SAMD5: variants seen among roughly 807,000 people sequenced by gnomAD.
SAMD5 encodes sterile alpha motif domain-containing protein 5.
A neutral mutation model predicts 11.3 loss-of-function variants in SAMD5; 13 were observed. The observed-to-expected ratio is 1.15, with a 90% CI of 0.75 to 1.83. SAMD5 has a LOEUF of 1.83. SAMD5 is among the 40% of genes most tolerant of loss of function. The pLI, the probability that SAMD5 is intolerant of heterozygous loss-of-function variation, is 0.00. For missense variants in SAMD5, 255 were observed against 239.1 expected (o/e 1.07, Z -0.44); for synonymous variants, 129 against 111.3 (o/e 1.16, Z -1.00).
At chr6:147,628,412 A>G (rs1446444561) in intron 1 of SAMD5, among the ~76,000 whole-genome samples, 2 of 152,124 alleles carry the variant, frequency 1.3e-5, no homozygotes, top group Admixed American at 6.6e-5. Context: ...TATAAGACAG[A>G]CTCTTAAACG....
the SAMD5 span, among the ~76,000 whole-genome samples, chr6:147,784,286 A>G: frequency 1.3e-5 from 2 of 152,166 alleles, no homozygotes; most frequent in African/African-American, 2.4e-5. Flanking sequence ...ATAATAATCA[A>G]CTGTGACTAG....
intron 1 of SAMD5, among the ~76,000 whole-genome samples, chr6:147,525,986 T>C (rs775099567): frequency 6.6e-6 from 1 of 152,158 alleles, no homozygotes; most frequent in Non-Finnish European, 1.5e-5. Context: ...TCTTTGGATA[T>C]ACCACAGAGA....
intron 1 of SAMD5, among the ~76,000 whole-genome samples, chr6:147,543,649 T>C (rs1788640246): frequency 6.6e-6 from 1 of 152,346 alleles, no homozygotes; most frequent in South Asian, 2.1e-4. Flanking sequence ...CTCTAAGATA[T>C]GGTCTCTAAG....
At chr6:147,838,912 A>G in the SAMD5 span, among the ~76,000 whole-genome samples, 1 of 152,248 alleles carries the variant, frequency 6.6e-6, no homozygotes, top group Non-Finnish European at 1.5e-5. Flanking sequence ...GCAACAAGTC[A>G]GGGCAACAAC....
chr6:147,844,909 A>G, the SAMD5 span, among the ~76,000 whole-genome samples: 2 of 152,230 alleles, frequency 1.3e-5, no homozygotes, highest in African/African-American at 2.4e-5. Flanking sequence ...GACGGGAGGA[A>G]TAAGTTCTAT....
intron 1 of SAMD5, among the ~76,000 whole-genome samples, chr6:147,520,077 C>A (rs565509736): frequency 2.0e-5 from 3 of 150,608 alleles, no homozygotes; most frequent in East Asian, 2.0e-4. Context: ...TGAGATAATA[C>A]TTATGAAGTT....
At chr6:147,954,578 A>G in the SAMD5 span, among the ~76,000 whole-genome samples, 1 of 152,060 alleles carries the variant, frequency 6.6e-6, no homozygotes, top group East Asian at 1.9e-4. Flanking sequence ...CAGCCAAAGT[A>G]ACTTCCAGTC....
At chr6:147,911,310 T>G in the SAMD5 span, among the ~76,000 whole-genome samples, 1 of 152,314 alleles carries the variant, frequency 6.6e-6, no homozygotes, top group African/African-American at 2.4e-5. Flanking sequence ...TGCCTTCTGT[T>G]ACCTTCAAAA....
chr6:147,606,285 G>A (rs75382526), intron 1 of SAMD5, among the ~76,000 whole-genome samples: 2,590 of 152,170 alleles, frequency 0.017, 56 homozygotes, highest in Non-Finnish European at 0.023. Context: ...TGTGTCTGAT[G>A]TACTGTAAAG....
At chr6:147,585,977 A>T (rs1049290715) in intron 1 of SAMD5, among the ~76,000 whole-genome samples, 1 of 152,176 alleles carries the variant, frequency 6.6e-6, no homozygotes, top group South Asian at 2.1e-4. Context: ...GTTCAGAGCA[A>T]CATGGTCATG....
chr6:147,845,714 A>T, the SAMD5 span, among the ~76,000 whole-genome samples: 1 of 152,312 alleles, frequency 6.6e-6, no homozygotes, highest in South Asian at 2.1e-4. Flanking sequence ...TGCCAAAAAA[A>T]AATAATGATA....
the SAMD5 span, among the ~76,000 whole-genome samples, chr6:147,954,531 G>A: frequency 6.6e-6 from 1 of 152,122 alleles, no homozygotes; most frequent in Non-Finnish European, 1.5e-5. Context: ...GTACGCTAAT[G>A]TCCTAGGCCT....
At chr6:147,624,736 T>C (rs1790025390) in intron 1 of SAMD5, among the ~76,000 whole-genome samples, 1 of 151,958 alleles carries the variant, frequency 6.6e-6, no homozygotes, top group African/African-American at 2.4e-5. Context: ...GGGTGGGAAG[T>C]GGGTGAGGGA....
chr6:147,855,187 A>G, the SAMD5 span, among the ~76,000 whole-genome samples: 1 of 152,188 alleles, frequency 6.6e-6, no homozygotes, highest in Non-Finnish European at 1.5e-5. Context: ...AAAGATGGGC[A>G]AGATTTTGGA....
intron 1 of SAMD5, among the ~76,000 whole-genome samples, chr6:147,616,506 T>C (rs569046177): frequency 6.6e-6 from 1 of 152,166 alleles, no homozygotes; most frequent in East Asian, 1.9e-4. Context: ...GCTTTAATAG[T>C]TCTATTCACT....
At chr6:147,748,337 A>G in the SAMD5 span, among the ~76,000 whole-genome samples, 1 of 152,172 alleles carries the variant, frequency 6.6e-6, no homozygotes, top group Non-Finnish European at 1.5e-5. Flanking sequence ...ACCGCTAACC[A>G]GTTATCTGAC....
At chr6:147,647,038 G>A (rs965487832) in intron 1 of SAMD5, among the ~76,000 whole-genome samples, 2 of 151,078 alleles carry the variant, frequency 1.3e-5, no homozygotes, top group Middle Eastern at 3.5e-3. Flanking sequence ...ATGGTGACAG[G>A]CACCTGTAAT....
At chr6:147,691,130 G>T (rs866887564) in intron 1 of SAMD5, among the ~76,000 whole-genome samples, 6 of 152,252 alleles carry the variant, frequency 3.9e-5, no homozygotes, top group Middle Eastern at 3.4e-3. Flanking sequence ...GAGTAGCTGG[G>T]ATTACAGGCA....
intron 1 of SAMD5, among the ~76,000 whole-genome samples, chr6:147,702,683 C>T (rs1373407779): frequency 6.6e-6 from 1 of 152,160 alleles, no homozygotes; most frequent in Non-Finnish European, 1.5e-5. Context: ...CAGTTGGGTG[C>T]AAGCTCTCTT....
Sources: gnomAD v4.1 joint callset for allele counts (sites outside exome capture counted in the v4.1 genomes callset) on GRCh38, gnomAD v4.1.1 for gene constraint, MANE v1.5 for transcripts, NCBI Gene and HGNC (gene_info 2026-07-23, HGNC 2026-07-21) for gene names.